Variants in ZC3H6 observed in about 807,000 individuals in gnomAD.
ZC3H6 encodes zinc finger CCCH-type containing 6.
In ZC3H6, 40 loss-of-function variants were observed where a neutral mutation model predicts 107.7. The observed-to-expected ratio is 0.37, with a 90% CI of 0.29 to 0.48. The LOEUF (loss-of-function observed/expected upper bound fraction) is 0.48, where lower values mean the gene tolerates loss of function less well. Ranked by LOEUF, ZC3H6 falls within the 20% of genes least tolerant of loss-of-function variation. The probability of loss-of-function intolerance (pLI) is 0.98; values close to 1 mark genes in which losing one functional copy is unlikely to be tolerated. For missense variants in ZC3H6, 1,267 were observed against 1,410.4 expected, an observed-to-expected ratio of 0.90 and a Z score of 1.63; for synonymous variants, 493 against 487.9, an observed-to-expected ratio of 1.01 and a Z score of -0.14.
rs1466182591 is a variant in ZC3H6, at chr2:112,299,834, A to G, written c.33-15A>G. Reference sequence around the variant, plus strand: ...TTTAGAATGATATTTGAAAATTAAAATTTTCCTTCTATAGAGAAGATGGCG... The same window carrying G: ...TTTAGAATGATATTTGAAAATTAAAGTTTTCCTTCTATAGAGAAGATGGCG... On this transcript the variant is annotated splice_polypyrimidine_tract_variant and intron_variant, in intron 1 of 11. Coordinates refer to ENST00000409871, the MANE Select transcript of ZC3H6 (RefSeq NM_198581.3). 2 of 1,369,428 alleles carry G rather than the reference A, an allele frequency of 1.5e-6. No homozygotes were observed. Among genetic ancestry groups the G allele is most frequent in the African/African-American group, 3.0e-5 (2 of 66,218 alleles). The allele number at this position is 1,369,428 out of a possible 1,614,324, so 84.8% of individuals were successfully genotyped here. A position where few individuals can be genotyped will look rare whatever the true frequency, so the allele number is the denominator to read the frequency against.
chr2:112,307,684 G>A (rs900016719), intron 3 of ZC3H6, among the ~76,000 whole-genome samples: 2 of 152,092 alleles, frequency 1.3e-5, no homozygotes, highest in South Asian at 2.1e-4. Context: ...GTGTGAATGC[G>A]AATGTGAAGG....
intron 4 of ZC3H6, among the ~76,000 whole-genome samples, chr2:112,311,345 A>T (rs992954447): frequency 6.6e-6 from 1 of 152,166 alleles, no homozygotes; most frequent in African/African-American, 2.4e-5. Context: ...CATACTTTTA[A>T]ATACCAAGTT....
intron 5 of ZC3H6, 150 bp downstream of exon 5, chr2:112,312,087 AAT>A (rs1391914507): frequency 8.4e-6 from 6 of 713,100 alleles, no homozygotes; most frequent in African/African-American, 3.7e-5. Context: ...ACCTCCAAAA[AAT>A]AGTTGTTAAT....
chr2:112,299,893 T>C lies in ZC3H6; in HGVS notation c.77T>C (p.Phe26Ser), dbSNP rs1297522732. ...LEDGEIDDAGFEEIQEKEAKE... is the reference protein window; with the variant it reads ...LEDGEIDDAGSEEIQEKEAKE... ...GATGGTGAAATAGACGATGCAGGAT[T>C]TGAAGAAATACAAGAAAAAGAAGCA... The change falls in exon 2 of 12, where the codon TTT (phenylalanine) becomes TCT (serine). Residue 26 changes from phenylalanine to serine, a missense_variant. Around this residue, in one of 3 missense-constraint regions of ZC3H6, gnomAD observed 337 missense variants for 361.2 expected, o/e 0.93. Transcript: ENST00000409871. 3.3e-6 allele frequency: 5 copies of C among 1,494,134 alleles called. No individual in the cohort carries two copies. In the South Asian group the frequency reaches 6.9e-5, roughly 21 times the overall value. 92.6% of individuals were successfully genotyped at this position (1,494,134 alleles called of 1,614,324 possible). A position where few individuals can be genotyped will look rare whatever the true frequency, so the allele number is the denominator to read the frequency against.
intron 2 of ZC3H6, among the ~76,000 whole-genome samples, chr2:112,300,279 C>T (rs1676347461): frequency 6.6e-6 from 1 of 151,794 alleles, no homozygotes; most frequent in Non-Finnish European, 1.5e-5. Flanking sequence ...ACAATTTTGG[C>T]TCACTGCAGC....
At chr2:112,327,821 G>A (rs1331487531) in intron 11 of ZC3H6, among the ~76,000 whole-genome samples, 2 of 152,104 alleles carry the variant, frequency 1.3e-5, no homozygotes, top group Non-Finnish European at 2.9e-5. Flanking sequence ...GTTCACTGTA[G>A]ATGTATGGGT....
At position 112,339,844 on chromosome 2, in the gene ZC3H6, G is replaced by C. The variant is rs1306547970; in HGVS notation, c.*7356G>C. 1 of 151,930 alleles carries C rather than the reference G, an allele frequency of 6.6e-6. No individual in the cohort carries two copies. The highest frequency in any genetic ancestry group is 2.4e-5 in the African/African-American group (1 of 41,340). 9.4% of individuals were successfully genotyped at this position (151,930 alleles called of 1,614,324 possible). A position where few individuals can be genotyped will look rare whatever the true frequency, so the allele number is the denominator to read the frequency against. ...AGTAGATTAATGACGTTGTTAATCT[G>C]TCTGCTCAAAAGACACCAGCAAGGG... On this transcript the variant is annotated 3_prime_UTR_variant, in exon 12 of 12. Coordinates refer to ENST00000409871, the MANE Select transcript of ZC3H6 (RefSeq NM_198581.3).
chr2:112,324,140 T>A lies in ZC3H6; in HGVS notation c.1341-12T>A. 1 of 1,541,676 alleles carries A rather than the reference T, an allele frequency of 6.5e-7. No homozygotes were observed. Among genetic ancestry groups the A allele is most frequent in the Non-Finnish European group, 8.7e-7 (1 of 1,143,042 alleles). On this transcript the variant is annotated splice_polypyrimidine_tract_variant and intron_variant, in intron 9 of 11. Transcript: ENST00000409871. ...TCTTTGAACTAAGAAATATTATTAT[T>A]TCTGTCTACAGGCCACCAGCATTTT...
At chr2:112,311,721 A>G in intron 4 of ZC3H6, 83 bp from the exon 5 acceptor site, 1 of 1,283,442 alleles carries the variant, frequency 7.8e-7, no homozygotes, top group Non-Finnish European at 1.1e-6. Context: ...ATAGACTATT[A>G]AAATGTGCTG....
In ZC3H6 at chr2:112,333,537, GTTT is replaced by G. The variant is rs1406532001; in HGVS notation, c.*1051_*1053del. On this transcript the variant is annotated 3_prime_UTR_variant, in exon 12 of 12. Transcript: ENST00000409871. Reference sequence around the variant, plus strand: ...TCTGTAACAGAGGGGATTACCTGGTGTTTTAAGTATTTAATGTCCTCATAGTGT... The same window carrying G: ...TCTGTAACAGAGGGGATTACCTGGTGTAAGTATTTAATGTCCTCATAGTGT... The G allele has an allele frequency of 1.3e-5, 2 of 152,162 alleles. No homozygotes were observed. The highest frequency in any genetic ancestry group is 2.9e-5 in the Non-Finnish European group (2 of 67,964). The allele number at this position is 152,162 out of a possible 1,614,324, so 9.4% of individuals were successfully genotyped here. A position where few individuals can be genotyped will look rare whatever the true frequency, so the allele number is the denominator to read the frequency against.
Position 112,290,476 on chromosome 2 carries a change from C to T in ZC3H6, c.33-9373C>T, listed in dbSNP as rs907239911. 3.3e-5 allele frequency among the ~76,000 whole-genome samples: 5 copies of T among 152,224 alleles called. No individual in the cohort carries two copies. The South Asian group carries it at 6.2e-4, about 19-fold the overall frequency. ...TGCTCATAGCACCATTTACCTACTT[C>T]GTATACTTGTGTGGTTATTTTATGT... On this transcript the variant is annotated intron_variant, in intron 1 of 11. Coordinates refer to ENST00000409871, the MANE Select transcript of ZC3H6 (RefSeq NM_198581.3).
chr2:112,297,727 TGAG>T (rs1381913577), intron 1 of ZC3H6, among the ~76,000 whole-genome samples: 10 of 152,194 alleles, frequency 6.6e-5, no homozygotes, highest in Admixed American at 1.3e-4. Context: ...AGATTCAAGT[TGAG>T]GAATTGTTTT....
intron 1 of ZC3H6, among the ~76,000 whole-genome samples, chr2:112,278,760 A>G (rs901579153): frequency 1.3e-5 from 2 of 152,232 alleles, no homozygotes; most frequent in Admixed American, 6.5e-5. Flanking sequence ...TGAGATTCTA[A>G]ATGTAAATGG....
Position 112,324,181 on chromosome 2 carries a change from C to A in ZC3H6, c.1370C>A (p.Pro457Gln). Residue 457 changes from proline to glutamine, a missense_variant, in exon 10 of 12, where the codon CCA becomes CAA. By Grantham distance (76) the Pro-to-Gln change is moderately conservative (BLOSUM62 -1). This residue lies in a region of ZC3H6 where 925 missense variants were observed against 1,025.7 expected (regional missense o/e 0.90). Transcript: ENST00000409871. ...CCAGCATTTTATACCAGTGCCTCAC[C>A]ACCAGGACCACAATTTCAGGGAAGC... is the stretch of plus-strand genomic sequence containing the variant. ...KPPAFYTSAS[P>Q]PGPQFQGSSP... The A allele has an allele frequency of 1.3e-6, 2 of 1,588,924 alleles. No individual in the cohort carries two copies. The highest frequency in any genetic ancestry group is 1.7e-6 in the Non-Finnish European group (2 of 1,159,816).
At chr2:112,297,769 A>G (rs1385784139) in intron 1 of ZC3H6, among the ~76,000 whole-genome samples, 2 of 151,810 alleles carry the variant, frequency 1.3e-5, no homozygotes, top group African/African-American at 4.9e-5. Flanking sequence ...CTATCTGTGT[A>G]TGAAAATTTG....
intron 11 of ZC3H6, among the ~76,000 whole-genome samples, chr2:112,328,147 C>T (rs1462043445): frequency 6.6e-6 from 1 of 152,174 alleles, no homozygotes; most frequent in Non-Finnish European, 1.5e-5. Context: ...CTGCGTTGGC[C>T]TCCCAAAGTG....
At chr2:112,291,873 A>G (rs1676126100) in intron 1 of ZC3H6, among the ~76,000 whole-genome samples, 1 of 151,798 alleles carries the variant, frequency 6.6e-6, no homozygotes, top group Non-Finnish European at 1.5e-5. Context: ...ACCTGCCACC[A>G]CGCCTGGCTA....
intron 5 of ZC3H6, among the ~76,000 whole-genome samples, chr2:112,312,994 C>T (rs1395888302): frequency 6.6e-6 from 1 of 152,036 alleles, no homozygotes; most frequent in East Asian, 1.9e-4. Flanking sequence ...AATATGCACT[C>T]CTTAGTATAC....
intron 1 of ZC3H6, among the ~76,000 whole-genome samples, chr2:112,281,750 G>GT (rs1334128876): frequency 6.6e-6 from 1 of 152,160 alleles, no homozygotes; most frequent in Non-Finnish European, 1.5e-5. Flanking sequence ...TGAAATGTTA[G>GT]TTGAAATGAA....
Sources: allele counts gnomAD v4.1 joint callset (sites outside exome capture counted in the v4.1 genomes callset), GRCh38; gene constraint gnomAD v4.1.1; regional missense constraint gnomAD v4.1.1; transcripts MANE v1.5; gene names NCBI Gene and HGNC (gene_info 2026-07-23, HGNC 2026-07-21).